SLC9A9: variants seen among roughly 807,000 people sequenced by gnomAD.
The protein encoded by SLC9A9 is sodium/hydrogen exchanger 9.
Under a neutral mutation model 77.8 loss-of-function variants are expected in SLC9A9, and 62 were observed. That is an observed-to-expected ratio of 0.80 (90% confidence interval 0.65 to 0.98). The LOEUF (loss-of-function observed/expected upper bound fraction) is 0.98. Among genes scored for constraint, SLC9A9 ranks in the 50% least tolerant of loss-of-function variants. The pLI, the probability that SLC9A9 is intolerant of heterozygous loss-of-function variation, is 0.00. For synonymous variants in SLC9A9, 320 were observed against 283.5 expected, an observed-to-expected ratio of 1.13 and a Z score of -1.29; for missense variants, 775 against 774.9, an observed-to-expected ratio of 1.00 and a Z score of 0.00.
chr3:143,684,702 G>A (rs1325170159), intron 5 of SLC9A9, among the ~76,000 whole-genome samples: 1 of 152,066 alleles, frequency 6.6e-6, no homozygotes, highest in Non-Finnish European at 1.5e-5. Flanking sequence ...CTGTCCCCAA[G>A]TCAGAGGCTA....
chr3:143,348,711 T>C (rs2032368228), intron 14 of SLC9A9, among the ~76,000 whole-genome samples: 1 of 152,032 alleles, frequency 6.6e-6, no homozygotes, highest in South Asian at 2.1e-4. Context: ...AGCTAAAAAA[T>C]GAACTCTACT....
intron 9 of SLC9A9, among the ~76,000 whole-genome samples, chr3:143,534,079 A>C (rs2036553976): frequency 6.6e-6 from 1 of 152,236 alleles, no homozygotes; most frequent in Non-Finnish European, 1.5e-5. Context: ...GAAAGCCCAC[A>C]TTTTATACAT....
At chr3:143,835,536 C>T (rs1418095429) in intron 1 of SLC9A9, among the ~76,000 whole-genome samples, 1 of 152,192 alleles carries the variant, frequency 6.6e-6, no homozygotes, top group Non-Finnish European at 1.5e-5. Flanking sequence ...TAGCCATATG[C>T]TGACAGAAAT....
At chr3:143,474,269 T>C (rs35312258) in intron 11 of SLC9A9, among the ~76,000 whole-genome samples, 14,227 of 152,242 alleles carry the variant, frequency 0.093, 837 homozygotes, top group South Asian at 0.2. Flanking sequence ...AGAGGTGACA[T>C]AGCCAAATCA....
chr3:143,698,483 G>A (rs542491300), intron 4 of SLC9A9, among the ~76,000 whole-genome samples: 1 of 152,224 alleles, frequency 6.6e-6, no homozygotes, highest in South Asian at 2.1e-4. Context: ...GGGGATTTGG[G>A]AAAATGCTTA....
At chr3:143,344,293 T>A (rs556103653) in intron 14 of SLC9A9, among the ~76,000 whole-genome samples, 50 of 152,334 alleles carry the variant, frequency 3.3e-4, no homozygotes, top group African/African-American at 1.2e-3. Flanking sequence ...TCCTGATGCA[T>A]ATATCTCTGT....
At chr3:143,725,153 G>C (rs1934606626) in intron 4 of SLC9A9, among the ~76,000 whole-genome samples, 1 of 152,168 alleles carries the variant, frequency 6.6e-6, no homozygotes, top group African/African-American at 2.4e-5. Context: ...GACAGGAGAG[G>C]CATCTTTTTC....
intron 4 of SLC9A9, among the ~76,000 whole-genome samples, chr3:143,697,069 C>T (rs1560036718): frequency 6.6e-6 from 1 of 151,570 alleles, no homozygotes; most frequent in Non-Finnish European, 1.5e-5. Context: ...TTCTACATGT[C>T]AAATGAATGA....
chr3:143,558,172 C>T (rs556995230), intron 8 of SLC9A9, among the ~76,000 whole-genome samples: 3 of 152,276 alleles, frequency 2.0e-5, no homozygotes, highest in Admixed American at 1.3e-4. Context: ...GATTTGGGAA[C>T]CTCCACCTAG....
chr3:143,546,022 T>TG (rs1250608382), intron 9 of SLC9A9, among the ~76,000 whole-genome samples: 22 of 152,212 alleles, frequency 1.4e-4, no homozygotes, highest in Non-Finnish European at 1.5e-5. Context: ...ATTTTACAGA[T>TG]GGAAAAAGTA....
At chr3:143,697,335 A>G (rs1933670392) in intron 4 of SLC9A9, among the ~76,000 whole-genome samples, 1 of 152,156 alleles carries the variant, frequency 6.6e-6, no homozygotes, top group Non-Finnish European at 1.5e-5. Context: ...TAGTGGTTAT[A>G]TAATAGAATT....
intron 14 of SLC9A9, among the ~76,000 whole-genome samples, chr3:143,290,010 T>C (rs760202354): frequency 1.3e-5 from 2 of 152,230 alleles, no homozygotes; most frequent in Non-Finnish European, 2.9e-5. Context: ...CCCCTTAGTG[T>C]GGACTTCACC....
chr3:143,744,423 G>C (rs1408009696), intron 4 of SLC9A9, among the ~76,000 whole-genome samples: 1 of 152,154 alleles, frequency 6.6e-6, no homozygotes, highest in Non-Finnish European at 1.5e-5. Context: ...GTGTTAATTG[G>C]AGATGACAGT....
Position 143,420,594 on chromosome 3 carries a change from C to G in SLC9A9, c.1470-38480G>C, listed in dbSNP as rs539133645. ...GTTAGGTTGTTAACCTATACAATTA[C>G]AGTTTATTATTACTATTATTATTAT... On this transcript the variant is annotated intron_variant, in intron 12 of 15. Transcript: ENST00000316549. Among the ~76,000 whole-genome samples the G allele has an allele frequency of 6.8e-3, 967 of 142,036 alleles. 5 individuals are homozygous for G. The highest frequency in any genetic ancestry group is 0.038 in the South Asian group (165 of 4,330). The allele number at this position is 142,036 out of a possible 152,430, so 93.2% of individuals were successfully genotyped here.
chr3:143,806,799 C>G (rs933251878), intron 2 of SLC9A9, among the ~76,000 whole-genome samples: 6 of 151,628 alleles, frequency 4.0e-5, no homozygotes, highest in African/African-American at 1.5e-4. Flanking sequence ...TGAATAAGAT[C>G]TAGTATTTGA....
intron 12 of SLC9A9, among the ~76,000 whole-genome samples, chr3:143,388,698 C>G (rs557538736): frequency 6.6e-6 from 1 of 152,110 alleles, no homozygotes; most frequent in Non-Finnish European, 1.5e-5. Flanking sequence ...AAGACAAGAG[C>G]GGCTTTTCCA....
At chr3:143,558,732 C>T (rs1429456249) in intron 8 of SLC9A9, among the ~76,000 whole-genome samples, 2 of 152,120 alleles carry the variant, frequency 1.3e-5, no homozygotes, top group Non-Finnish European at 2.9e-5. Context: ...GCAGAAGGGA[C>T]TTGCCTTGTC....
At chr3:143,820,763 T>C (rs914686458) in intron 2 of SLC9A9, among the ~76,000 whole-genome samples, 3 of 152,232 alleles carry the variant, frequency 2.0e-5, no homozygotes, top group Non-Finnish European at 2.9e-5. Flanking sequence ...ATTAAAACTT[T>C]GCACATCAAC....
At chr3:143,491,572 C>A (rs867023123) in intron 11 of SLC9A9, among the ~76,000 whole-genome samples, 1 of 152,156 alleles carries the variant, frequency 6.6e-6, no homozygotes, top group Non-Finnish European at 1.5e-5. Flanking sequence ...CTCACATCCC[C>A]TGGCTGTACA....
Sources: gnomAD v4.1 joint callset for allele counts (sites outside exome capture counted in the v4.1 genomes callset) on GRCh38, gnomAD v4.1.1 for gene constraint, MANE v1.5 for transcripts, NCBI Gene and HGNC (gene_info 2026-07-23, HGNC 2026-07-21) for gene names.